The following EMC8 variants were observed in gnomAD, a reference collection of about 807,000 sequenced individuals.
EMC8 encodes ER membrane protein complex subunit 8, also known as COX4 neighbor.
Under a neutral mutation model 24.3 loss-of-function variants are expected in EMC8, and 11 were observed. The observed-to-expected ratio is 0.45, with a 90% confidence interval of 0.28 to 0.75. The LOEUF (loss-of-function observed/expected upper bound fraction) is 0.75, where lower values mean the gene tolerates loss of function less well. EMC8 is among the 30% of genes least tolerant of loss of function. The probability of loss-of-function intolerance (pLI) is 0.12; values close to 1 mark genes in which losing one functional copy is unlikely to be tolerated. For synonymous variants in EMC8, 145 were observed against 117.7 expected, an observed-to-expected ratio of 1.23 and a Z score of -1.50; for missense variants, 277 against 282.7, an observed-to-expected ratio of 0.98 and a Z score of 0.14.
intron 1 of EMC8, among the ~76,000 whole-genome samples, chr16:85,792,249 G>C (rs1266217829): frequency 6.6e-6 from 1 of 152,194 alleles, no homozygotes; most frequent in Non-Finnish European, 1.5e-5. Flanking sequence ...ACAAATTCCT[G>C]TAAGAAAACT....
At position 85,779,413 on chromosome 16, in the gene EMC8, C is replaced by A; in HGVS notation, c.*295G>T. 2 of 220,272 alleles carry A rather than the reference C, an allele frequency of 9.1e-6. No homozygotes were observed. Among genetic ancestry groups the A allele is most frequent in the East Asian group, 9.8e-5 (1 of 10,154 alleles). The allele number at this position is 220,272 out of a possible 1,614,324, so 13.6% of individuals were successfully genotyped here. A position where few individuals can be genotyped will look rare whatever the true frequency, so the allele number is the denominator to read the frequency against. On this transcript the variant is annotated 3_prime_UTR_variant, in exon 5 of 5. Coordinates refer to ENST00000253457, the MANE Select transcript of EMC8 (RefSeq NM_006067.5). ...CCAGATTATAAAAGGTTAGTTAAAACTGTTTAATAGGAACAATCTTGCACA... is the reference window on the plus strand; with the variant it reads ...CCAGATTATAAAAGGTTAGTTAAAAATGTTTAATAGGAACAATCTTGCACA...
intron 2 of EMC8, chr16:85,787,622 T>G (rs1904813030): frequency 6.6e-6 from 1 of 152,244 alleles, no homozygotes; most frequent in South Asian, 2.1e-4. Flanking sequence ...GACATCCCAG[T>G]GAGAGTCAGA....
chr16:85,794,904 G>C (rs963645575), intron 1 of EMC8, among the ~76,000 whole-genome samples: 2 of 152,178 alleles, frequency 1.3e-5, no homozygotes, highest in African/African-American at 2.4e-5. Flanking sequence ...GCGGTGCCCG[G>C]TGCCCTCTCA....
chr16:85,792,794 C>G (rs1349156728), intron 1 of EMC8: 2 of 152,228 alleles, frequency 1.3e-5, no homozygotes, highest in African/African-American at 4.8e-5. Flanking sequence ...CGAGGCAAGA[C>G]AAGGCACAGC....
At chr16:85,792,053 C>T (rs1181551655) in intron 1 of EMC8, among the ~76,000 whole-genome samples, 1 of 152,214 alleles carries the variant, frequency 6.6e-6, no homozygotes, top group African/African-American at 2.4e-5. Flanking sequence ...AGACCCCCAG[C>T]AGCAGTCTCA....
chr16:85,786,989 T>G (rs1904784935), intron 2 of EMC8, among the ~76,000 whole-genome samples: 6 of 151,940 alleles, frequency 3.9e-5, no homozygotes, highest in Admixed American at 3.9e-4. Context: ...CCATTCCCAC[T>G]TGCCCAGTCT....
At chr16:85,786,519 A>G (rs766973078) in intron 2 of EMC8, among the ~76,000 whole-genome samples, 1 of 152,298 alleles carries the variant, frequency 6.6e-6, no homozygotes, top group East Asian at 1.9e-4. Flanking sequence ...ATAGCACGGC[A>G]TTACCTACCT....
chr16:85,795,495 G>C (rs1282877839), intron 1 of EMC8, among the ~76,000 whole-genome samples: 1 of 152,100 alleles, frequency 6.6e-6, no homozygotes, highest in African/African-American at 2.4e-5. Context: ...ACCTTCTCCT[G>C]CCCTCCTTCC....
chr16:85,786,293 T>C (rs1181753709), intron 2 of EMC8, among the ~76,000 whole-genome samples: 2 of 152,224 alleles, frequency 1.3e-5, no homozygotes, highest in East Asian at 1.9e-4. Context: ...GCAATATTTC[T>C]AGAATAAGAA....
At chr16:85,783,035 C>CA (rs1904582516) in intron 2 of EMC8, among the ~76,000 whole-genome samples, 1 of 152,332 alleles carries the variant, frequency 6.6e-6, no homozygotes, top group Admixed American at 6.5e-5. Context: ...TGCAGTGGCT[C>CA]ACGCCTGTAA....
chr16:85,791,222 A>G (rs528693788), intron 1 of EMC8, among the ~76,000 whole-genome samples: 90 of 152,278 alleles, frequency 5.9e-4, no homozygotes, highest in African/African-American at 2.2e-3. Flanking sequence ...TTTTTAATGC[A>G]TACATTTTTT....
At chr16:85,782,598 C>G (rs100812) in intron 2 of EMC8, among the ~76,000 whole-genome samples, 103,612 of 152,094 alleles carry the variant, frequency 0.68, 36,997 homozygotes, top group Non-Finnish European at 0.8. Context: ...TCCCTCCTCC[C>G]TTCCATGACT....
At chr16:85,798,943 G>A in intron 1 of EMC8, 122 bp downstream of exon 1, 1 of 667,068 alleles carries the variant, frequency 1.5e-6, no homozygotes, top group Non-Finnish European at 2.5e-6. Flanking sequence ...TCCTGGCCAC[G>A]GCAACCCTAG....
chr16:85,789,108 G>A (rs1904889200), intron 1 of EMC8, 58 bp from the exon 2 acceptor site: 21 of 1,138,746 alleles, frequency 1.8e-5, no homozygotes, highest in East Asian at 7.0e-5. Flanking sequence ...ATATCAAGTC[G>A]TAAAAACCAC....
At chr16:85,797,335 G>A (rs573551936) in intron 1 of EMC8, among the ~76,000 whole-genome samples, 5 of 152,288 alleles carry the variant, frequency 3.3e-5, no homozygotes, top group Admixed American at 2.6e-4. Flanking sequence ...CTGAATCTGG[G>A]AGGTGGAAGT....
Position 85,780,419 on chromosome 16 carries a change from C to G in EMC8, c.433G>C (p.Glu145Gln), listed in dbSNP as rs201116984. The change falls in exon 4 of 5, where the codon GAG (glutamate) becomes CAG (glutamine). Residue 145 changes from glutamate to glutamine, a missense_variant. Coordinates refer to ENST00000253457, the MANE Select transcript of EMC8 (RefSeq NM_006067.5). ...CACCGCCATCTGTTCTCATGGTGCTCGTACACGTGGATCGTAGGCGCTACG... is the reference window on the plus strand; with the variant it reads ...CACCGCCATCTGTTCTCATGGTGCTGGTACACGTGGATCGTAGGCGCTACG... ...DCVAPTIHVY[E>Q]HHENRWRCRD... 6.2e-7 allele frequency: 1 copy of G among 1,614,214 alleles called. No homozygotes were observed. The highest frequency in any genetic ancestry group is 2.2e-5 in the East Asian group (1 of 44,886).
At chr16:85,796,654 T>C (rs982864503) in intron 1 of EMC8, among the ~76,000 whole-genome samples, 1 of 152,130 alleles carries the variant, frequency 6.6e-6, no homozygotes, top group Non-Finnish European at 1.5e-5. Context: ...TATTGCTCTC[T>C]CCAAACTCCC....
At chr16:85,796,861 T>C (rs781055911) in intron 1 of EMC8, among the ~76,000 whole-genome samples, 50 of 152,228 alleles carry the variant, frequency 3.3e-4, no homozygotes, top group Non-Finnish European at 5.4e-4. Context: ...CCCTTGCCAC[T>C]TTTTTACTAA....
chr16:85,780,561 G>A lies in EMC8; in HGVS notation c.379-88C>T, dbSNP rs995675821. ...CCTCCTCGGGGCTCTCCCTGCAGCC[G>A]TGCCCACGCTGGCTGGGGCAGAGAC... is the stretch of plus-strand genomic sequence containing the variant. On this transcript the variant is annotated intron_variant, in intron 3 of 4. Coordinates refer to ENST00000253457, the MANE Select transcript of EMC8 (RefSeq NM_006067.5). 102 of 891,050 alleles carry A rather than the reference G, an allele frequency of 1.1e-4. 2 individuals carry two copies. Among genetic ancestry groups the A allele is most frequent in the South Asian group, 1.0e-3 (72 of 70,774 alleles). 55.2% of individuals were successfully genotyped at this position (891,050 alleles called of 1,614,324 possible).
Sources: allele counts gnomAD v4.1 joint callset (sites outside exome capture counted in the v4.1 genomes callset), GRCh38; gene constraint gnomAD v4.1.1; transcripts MANE v1.5; gene names NCBI Gene and HGNC (gene_info 2026-07-23, HGNC 2026-07-21).